Variants in WDR27 observed in about 807,000 individuals in gnomAD.
The protein encoded by WDR27 is WD repeat-containing protein 27.
Under a neutral mutation model 114.4 loss-of-function variants are expected in WDR27, and 100 were observed. That is an observed-to-expected ratio of 0.87 (90% CI 0.74 to 1.03). The LOEUF (loss-of-function observed/expected upper bound fraction) is 1.03. WDR27 is among the 50% of genes least tolerant of loss of function. The pLI is 0.00. For missense variants in WDR27, 1,129 were observed against 1,092.9 expected (o/e 1.03, Z -0.47); for synonymous variants, 449 against 423.1 (o/e 1.06, Z -0.75).
chr6:169,519,749 A>G (rs1794131967), intron 25 of WDR27, among the ~76,000 whole-genome samples: 1 of 152,104 alleles, frequency 6.6e-6, no homozygotes, highest in African/African-American at 2.4e-5. Context: ...ATACACACCA[A>G]TATTATCCCC....
chr6:169,573,522 G>A (rs891498418), intron 24 of WDR27, among the ~76,000 whole-genome samples: 1 of 152,134 alleles, frequency 6.6e-6, no homozygotes, highest in Non-Finnish European at 1.5e-5. Flanking sequence ...GGGTTCTGTA[G>A]GACTTGAGTG....
chr6:169,481,274 C>T (rs986384165), intron 25 of WDR27, among the ~76,000 whole-genome samples: 14 of 152,160 alleles, frequency 9.2e-5, no homozygotes, highest in Admixed American at 6.5e-5. Context: ...ATTGTAAATG[C>T]ACCAATCAGC....
the WDR27 span, among the ~76,000 whole-genome samples, chr6:169,446,766 C>T: frequency 2.2e-4 from 33 of 152,112 alleles, no homozygotes; most frequent in African/African-American, 7.7e-4. Context: ...TTTCCTGACT[C>T]AGAATTTAAG....
intron 25 of WDR27, among the ~76,000 whole-genome samples, chr6:169,502,543 T>C (rs1791442952): frequency 1.3e-5 from 2 of 152,212 alleles, no homozygotes; most frequent in African/African-American, 4.8e-5. Context: ...GCTGGTTCCC[T>C]CTGGAGGCTT....
intron 25 of WDR27, among the ~76,000 whole-genome samples, chr6:169,535,333 A>G (rs1393626676): frequency 6.6e-6 from 1 of 152,184 alleles, no homozygotes; most frequent in East Asian, 1.9e-4. Context: ...CTTGCTTGAC[A>G]TGTCAGGGCC....
intron 23 of WDR27, among the ~76,000 whole-genome samples, chr6:169,583,199 C>G (rs1006123037): frequency 6.6e-6 from 1 of 150,824 alleles, no homozygotes; most frequent in Admixed American, 6.6e-5. Flanking sequence ...TCTATAGTAC[C>G]CTGTGAACAG....
the WDR27 span, among the ~76,000 whole-genome samples, chr6:169,432,032 ACTTT>A: frequency 6.6e-5 from 10 of 152,066 alleles, no homozygotes; most frequent in Admixed American, 2.6e-4. Flanking sequence ...TGTAATCTAA[ACTTT>A]CTTTTTTTCA....
chr6:169,491,075 C>A (rs573520789), intron 25 of WDR27, among the ~76,000 whole-genome samples: 2 of 152,270 alleles, frequency 1.3e-5, no homozygotes, highest in Admixed American at 1.3e-4. Flanking sequence ...AGAACCCAAT[C>A]ATTTTCTTAA....
chr6:169,595,908 TTC>T (rs980246793), intron 23 of WDR27, among the ~76,000 whole-genome samples: 2 of 152,094 alleles, frequency 1.3e-5, no homozygotes, highest in Non-Finnish European at 2.9e-5. Flanking sequence ...TTGACTCAGA[TTC>T]TCTTTTTGAG....
At chr6:169,642,849 C>T (rs1178062502) in intron 17 of WDR27, among the ~76,000 whole-genome samples, 2 of 152,194 alleles carry the variant, frequency 1.3e-5, no homozygotes, top group African/African-American at 2.4e-5. Context: ...GGTGGTCACG[C>T]GACAGGCTGT....
intron 25 of WDR27, among the ~76,000 whole-genome samples, chr6:169,515,759 A>G (rs967267979): frequency 6.7e-6 from 1 of 150,290 alleles, no homozygotes; most frequent in African/African-American, 2.4e-5. Context: ...ATACTTAACT[A>G]TTATAAACAT....
intron 17 of WDR27, 89 bp from the exon 18 acceptor site, chr6:169,638,749 C>CAACTGG: frequency 6.8e-7 from 1 of 1,471,484 alleles, no homozygotes; most frequent in South Asian, 1.3e-5. Flanking sequence ...TCATACAACA[C>CAACTGG]AACTGGAACA....
intron 21 of WDR27, among the ~76,000 whole-genome samples, chr6:169,631,233 C>T (rs1375568768): frequency 6.6e-6 from 1 of 152,194 alleles, no homozygotes; most frequent in Non-Finnish European, 1.5e-5. Context: ...GAGACACCCA[C>T]TGCACAGTGT....
At chr6:169,612,112 G>A (rs9383506) in intron 22 of WDR27, among the ~76,000 whole-genome samples, 13,601 of 151,180 alleles carry the variant, frequency 0.09, 1,687 homozygotes, top group East Asian at 0.58. Context: ...CTCCAGCCTC[G>A]GTGACAGAGC....
chr6:169,496,909 A>G (rs889969942), intron 25 of WDR27, among the ~76,000 whole-genome samples: 2 of 152,128 alleles, frequency 1.3e-5, no homozygotes, highest in Admixed American at 1.3e-4. Flanking sequence ...ACTGATCCCA[A>G]TGATGTTTTC....
At chr6:169,468,089 G>A (rs1337063437) in intron 25 of WDR27, among the ~76,000 whole-genome samples, 3 of 152,154 alleles carry the variant, frequency 2.0e-5, no homozygotes, top group Non-Finnish European at 4.4e-5. Flanking sequence ...CCATCTCTTT[G>A]CTACAGTGTA....
chr6:169,584,689 C>T (rs1296488840), intron 23 of WDR27, among the ~76,000 whole-genome samples: 1 of 152,096 alleles, frequency 6.6e-6, no homozygotes, highest in Non-Finnish European at 1.5e-5. Flanking sequence ...AGCTTTTTGG[C>T]CATTTTTATA....
chr6:169,457,724 T>A, intron 25 of WDR27, 90 bp from the exon 26 acceptor site: 1 of 995,682 alleles, frequency 1.0e-6, no homozygotes, highest in Non-Finnish European at 1.5e-6. Flanking sequence ...TGTGTTATTT[T>A]CCTTATTTTT....
chr6:169,612,799 A>G (rs978727560), intron 22 of WDR27, among the ~76,000 whole-genome samples: 1 of 152,230 alleles, frequency 6.6e-6, no homozygotes, highest in African/African-American at 2.4e-5. Context: ...TTTCAGCTCC[A>G]TCATAATCTT....
Sources: allele counts gnomAD v4.1 joint callset (sites outside exome capture counted in the v4.1 genomes callset), GRCh38; gene constraint gnomAD v4.1.1; transcripts MANE v1.5; gene names NCBI Gene and HGNC (gene_info 2026-07-23, HGNC 2026-07-21).